Variants in LARGE1 observed in about 807,000 individuals in gnomAD.
LARGE1 encodes the protein xylosyl- and glucuronyltransferase LARGE1.
In LARGE1, 43 loss-of-function variants were observed where a neutral mutation model predicts 87.6. The ratio of observed to expected loss-of-function variants is 0.49; its 90% CI spans 0.38 to 0.63. The LOEUF is 0.63. LARGE1 is among the 30% of genes least tolerant of loss of function. LARGE1 has a pLI of 0.00. For synonymous variants in LARGE1, 434 were observed against 394.6 expected (o/e 1.10, Z -1.18); for missense variants, 802 against 1,000.2 (o/e 0.80, Z 2.67).
At chr22:33,573,757 T>G (rs1257545938) in intron 5 of LARGE1, among the ~76,000 whole-genome samples, 1 of 152,182 alleles carries the variant, frequency 6.6e-6, no homozygotes, top group Non-Finnish European at 1.5e-5. Context: ...GTATATTCGC[T>G]GGGTGGTTCT....
intron 11 of LARGE1, among the ~76,000 whole-genome samples, chr22:33,304,809 C>T (rs1934652086): frequency 6.6e-6 from 1 of 152,096 alleles, no homozygotes; most frequent in Admixed American, 6.6e-5. Context: ...TTTGAAGATC[C>T]CCTTCCAGCC....
chr22:33,196,191 C>T (rs571793337), intron 11 of LARGE1, among the ~76,000 whole-genome samples: 141 of 143,474 alleles, frequency 9.8e-4, no homozygotes, highest in South Asian at 2.4e-3. Context: ...AGAGAAACAA[C>T]GGAGAAAGAT....
chr22:33,908,352 A>G (rs911446578), intron 1 of LARGE1, among the ~76,000 whole-genome samples: 5 of 152,178 alleles, frequency 3.3e-5, no homozygotes, highest in African/African-American at 4.8e-5. Context: ...AGTGCTCAGT[A>G]CCAGGAAAAG....
the LARGE1 span, among the ~76,000 whole-genome samples, chr22:33,111,516 T>C: frequency 1.3e-5 from 2 of 152,116 alleles, no homozygotes; most frequent in Non-Finnish European, 2.9e-5. Flanking sequence ...CCCAAAGGCA[T>C]AGGATAAGAT....
intron 7 of LARGE1, among the ~76,000 whole-genome samples, chr22:33,394,414 G>C (rs1261955130): frequency 2.6e-5 from 4 of 152,132 alleles, no homozygotes; most frequent in African/African-American, 9.7e-5. Context: ...TGGCCAGGCT[G>C]GTCTCGAACT....
intron 5 of LARGE1, among the ~76,000 whole-genome samples, chr22:33,580,945 T>C (rs2078501189): frequency 6.6e-6 from 1 of 152,128 alleles, no homozygotes; most frequent in African/African-American, 2.4e-5. Flanking sequence ...AAAGCATACA[T>C]AACCGGTCAG....
At chr22:33,469,886 C>CTTTT (rs537465362) in intron 6 of LARGE1, among the ~76,000 whole-genome samples, 1 of 117,016 alleles carries the variant, frequency 8.5e-6, no homozygotes, top group African/African-American at 3.1e-5. Context: ...TATGTTTACT[C>CTTTT]TTTTTTTTTT....
chr22:33,342,357 T>G (rs773278667), intron 9 of LARGE1, among the ~76,000 whole-genome samples: 41 of 152,160 alleles, frequency 2.7e-4, no homozygotes, highest in Non-Finnish European at 4.9e-4. Context: ...GCTTAATGGA[T>G]TGTGCACAAA....
intron 1 of LARGE1, among the ~76,000 whole-genome samples, chr22:33,767,076 G>A (rs1380799137): frequency 6.6e-6 from 1 of 151,118 alleles, no homozygotes; most frequent in African/African-American, 2.4e-5. Flanking sequence ...CACTTTGGGA[G>A]GCCGAGGCAG....
chr22:33,436,508 G>A, intron 6 of LARGE1: 1 of 154,250 alleles, frequency 6.5e-6, no homozygotes, highest in Middle Eastern at 5.8e-4. Context: ...TTAGTTATTA[G>A]TGGGAGGATG....
intron 2 of LARGE1, among the ~76,000 whole-genome samples, chr22:33,734,325 G>A (rs1040338029): frequency 6.6e-6 from 1 of 152,160 alleles, no homozygotes; most frequent in Admixed American, 6.5e-5. Flanking sequence ...GTGATGTGTT[G>A]GATCTTGAAA....
At chr22:33,610,816 G>C (rs2079405482) in intron 4 of LARGE1, among the ~76,000 whole-genome samples, 1 of 152,128 alleles carries the variant, frequency 6.6e-6, no homozygotes, top group Non-Finnish European at 1.5e-5. Flanking sequence ...TGGTTTCCTG[G>C]GCCAGGGCCA....
At chr22:33,813,131 G>A (rs2086548885) in intron 1 of LARGE1, among the ~76,000 whole-genome samples, 1 of 152,030 alleles carries the variant, frequency 6.6e-6, no homozygotes, top group Admixed American at 6.6e-5. Context: ...CAAGGCAGGT[G>A]GATCATCTGA....
At chr22:33,689,069 C>T (rs2082022244) in intron 2 of LARGE1, among the ~76,000 whole-genome samples, 1 of 152,060 alleles carries the variant, frequency 6.6e-6, no homozygotes, top group Non-Finnish European at 1.5e-5. Flanking sequence ...AGTTATAGTT[C>T]CCACAGTAAC....
At chr22:33,494,943 C>T (rs1289504269) in intron 6 of LARGE1, among the ~76,000 whole-genome samples, 1 of 152,176 alleles carries the variant, frequency 6.6e-6, no homozygotes, top group African/African-American at 2.4e-5. Context: ...ATGCAGATAA[C>T]TGCACCCTAG....
intron 7 of LARGE1, among the ~76,000 whole-genome samples, chr22:33,418,821 T>C (rs2066591490): frequency 1.3e-5 from 2 of 152,142 alleles, no homozygotes; most frequent in Non-Finnish European, 2.9e-5. Flanking sequence ...CATTATTCAC[T>C]CTGTGCTAGT....
At chr22:33,600,789 G>A (rs551435096) in intron 5 of LARGE1, among the ~76,000 whole-genome samples, 16 of 152,254 alleles carry the variant, frequency 1.1e-4, no homozygotes, top group Admixed American at 2.6e-4. Flanking sequence ...GCTCATGCCC[G>A]TAATCCCAGC....
intron 11 of LARGE1, among the ~76,000 whole-genome samples, chr22:33,191,234 T>C (rs1923759470): frequency 6.6e-6 from 1 of 152,180 alleles, no homozygotes; most frequent in Admixed American, 6.5e-5. Context: ...TGGGATATGA[T>C]GATGGAAACA....
intron 11 of LARGE1, among the ~76,000 whole-genome samples, chr22:33,203,066 A>ACTCTCT (rs35446457): frequency 1.4e-4 from 19 of 139,382 alleles, no homozygotes; most frequent in Admixed American, 5.0e-4. Flanking sequence ...TAGAATCTAA[A>ACTCTCT]CTCTCTCTCT....
Sources: allele counts gnomAD v4.1 joint callset (sites outside exome capture counted in the v4.1 genomes callset), GRCh38; gene constraint gnomAD v4.1.1; transcripts MANE v1.5; gene names NCBI Gene and HGNC (gene_info 2026-07-23, HGNC 2026-07-21).